Variants in GGA2 observed in about 807,000 individuals in gnomAD.
GGA2 encodes ADP-ribosylation factor-binding protein GGA2.
GGA2 carries 48 observed loss-of-function variants against 79.5 expected under a neutral mutation model. The observed-to-expected ratio is 0.60, with a 90% CI of 0.48 to 0.77. The LOEUF (loss-of-function observed/expected upper bound fraction) is 0.77. Ranked by LOEUF, GGA2 falls within the 30% of genes least tolerant of loss-of-function variation. The pLI is 0.00. For synonymous variants in GGA2, 317 were observed against 302.0 expected (o/e 1.05, Z -0.51); for missense variants, 770 against 774.0 (o/e 0.99, Z 0.06).
chr16:23,474,866 G>GA (rs530417746), intron 14 of GGA2, 38 bp downstream of exon 14: 15,700 of 1,332,504 alleles, frequency 0.012, 28 homozygotes, highest in African/African-American at 0.051. Flanking sequence ...GATTCCCAGG[G>GA]AAAAAAAAAA....
chr16:23,486,132 C>A lies in GGA2; in HGVS notation c.681G>T (p.Lys227Asn), dbSNP rs1439355349. 1 of 1,613,986 alleles carries A rather than the reference C, an allele frequency of 6.2e-7. No homozygotes were observed. The highest frequency in any genetic ancestry group is 1.1e-5 in the South Asian group (1 of 91,076). Residue 227 changes from lysine to asparagine, a missense_variant, in exon 8 of 17, where the codon AAG becomes AAT. By Grantham distance (94) the Lys-to-Asn change is moderately conservative. Transcript: ENST00000309859. Reference protein sequence around the residue: ...LVKEEQEKSEKVSKRVSAVEE... With the variant: ...LVKEEQEKSENVSKRVSAVEE... ...CCACCGCACTGACCCTCTTGGACAC[C>A]TTCTCCGATTTTTCTTGTTCCTTTT...
chr16:23,479,774 C>T lies in GGA2; in HGVS notation c.1120G>A (p.Ala374Thr), dbSNP rs759614909. 1 of 1,613,996 alleles carries T rather than the reference C, an allele frequency of 6.2e-7. No homozygotes were observed. Among genetic ancestry groups the T allele is most frequent in the Non-Finnish European group, 8.5e-7 (1 of 1,179,958 alleles). ...VVPSLLHQDL[A>T]ALGISDAPVT... The stretch of plus-strand genomic sequence containing the variant: ...AAGCACCTGCCCTCACCCAAGGCTG[C>T]CAGGTCCTGATGAAGCAAAGATGGC... The change falls in exon 11 of 17, where the codon GCA becomes ACA. Residue 374 changes from alanine (A) to threonine (T), a missense_variant. Coordinates refer to ENST00000309859, the MANE Select transcript of GGA2 (RefSeq NM_015044.4).
At chr16:23,512,020 A>G (rs1965071341), upstream of GGA2, among the ~76,000 whole-genome samples, 1 of 152,250 alleles carries the variant, frequency 6.6e-6, no homozygotes, top group East Asian at 1.9e-4. Flanking sequence ...AAGAAAGGCT[A>G]GAACCTGGAA....
At chr16:23,510,514 C>G (rs1013728070), upstream of GGA2, 10 of 434,902 alleles carry the variant, frequency 2.3e-5, no homozygotes, top group Non-Finnish European at 3.8e-5. Context: ...GCGGTGGACA[C>G]GTGACGGGGC....
intron 1 of GGA2, among the ~76,000 whole-genome samples, chr16:23,502,394 G>C (rs1964930146): frequency 6.6e-6 from 1 of 152,192 alleles, no homozygotes; most frequent in Non-Finnish European, 1.5e-5. Flanking sequence ...TGTTAGGGGA[G>C]CTACCGAAGT....
At chr16:23,524,087 G>A, upstream of GGA2, 3 of 460,352 alleles carry the variant, frequency 6.5e-6, no homozygotes, top group South Asian at 5.6e-5. Context: ...TAACTTTTCT[G>A]TGAACTAACT....
chr16:23,467,609 G>A lies in GGA2; in HGVS notation c.1823C>T (p.Ala608Val). The change falls in exon 17 of 17, where the codon GCT (alanine) becomes GTT (valine). Residue 608 changes from alanine to valine, a missense_variant. Ala to Val is a moderately conservative substitution (Grantham distance 64). Transcript: ENST00000309859. ...VGEVKDFPDL[A>V]VLGAA ...GAAAAGTTAGGCTGCGCCCAAGACA[G>A]CCAGGTCTGGGAAGTCTTTCACTTC... The A allele has an allele frequency of 6.3e-7, 1 of 1,582,706 alleles. No homozygotes were observed. The highest frequency in any genetic ancestry group is 2.2e-5 in the East Asian group (1 of 44,756).
At chr16:23,515,335 G>A (rs1965097086), upstream of GGA2, among the ~76,000 whole-genome samples, 2 of 151,394 alleles carry the variant, frequency 1.3e-5, no homozygotes, top group South Asian at 2.1e-4. Flanking sequence ...GGTGGCTCAC[G>A]CCTGTAATCC....
chr16:23,486,187 G>A, intron 7 of GGA2, 35 bp from the exon 8 acceptor site: 2 of 1,606,992 alleles, frequency 1.2e-6, no homozygotes, highest in Non-Finnish European at 1.7e-6. Flanking sequence ...GAGTGAGGGA[G>A]CAGAAACCCT....
Position 23,479,886 on chromosome 16 carries a change from G to A in GGA2, c.1008C>T (p.Val336=), listed in dbSNP as rs1162840526. The change falls in exon 11 of 17, where the codon GTC becomes GTT. Residue 336 remains valine, a splice_region_variant and synonymous_variant. Coordinates refer to ENST00000309859, the MANE Select transcript of GGA2 (RefSeq NM_015044.4). ...SSLGDIPVSR[V]FQNPAGCMKT... is the part of the protein sequence containing the mutation. Reference sequence around the variant, plus strand: ...TCATGCAGCCTGCTGGATTCTGAAAGACTAGAAAGCCCAGGGTTAGGAAGA... The same window carrying A: ...TCATGCAGCCTGCTGGATTCTGAAAAACTAGAAAGCCCAGGGTTAGGAAGA... The A allele has an allele frequency of 2.1e-5, 34 of 1,613,898 alleles. No homozygotes were observed. The highest frequency in any genetic ancestry group is 2.8e-5 in the Non-Finnish European group (33 of 1,179,938).
intron 4 of GGA2, among the ~76,000 whole-genome samples, chr16:23,492,736 C>G (rs1018578323): frequency 2.0e-5 from 3 of 152,164 alleles, no homozygotes; most frequent in Non-Finnish European, 4.4e-5. Flanking sequence ...CGGTGGGGGT[C>G]ATAGGAACCC....
rs1964847054 is a variant in GGA2, at chr16:23,495,760, C to T, written c.110G>A (p.Ser37Asn). ...AGCTGACCAATCCTGTTCCGACATGCTTGGGTCTGTGGCTTTGTCTGTCAA... is the reference window on the plus strand; with the variant it reads ...AGCTGACCAATCCTGTTCCGACATGTTTGGGTCTGTGGCTTTGTCTGTCAA... ...ELWLNKATDP[S>N]MSEQDWSAIQ... The change falls in exon 2 of 17, where the codon AGC (serine) becomes AAC (asparagine). Residue 37 changes from serine to asparagine, a missense_variant. Transcript: ENST00000309859. 6.2e-7 allele frequency: 1 copy of T among 1,611,576 alleles called. No individual in the cohort carries two copies. Among genetic ancestry groups the T allele is most frequent in the South Asian group, 1.1e-5 (1 of 90,962 alleles).
rs1005345611 is a variant in GGA2 at position 23,469,919 on chromosome 16, G to A, written c.1620+77C>T. 39 of 1,076,978 alleles carry A rather than the reference G, an allele frequency of 3.6e-5. No individual in the cohort carries two copies. The Admixed American group carries it at 8.2e-4, about 23-fold the overall frequency. The allele number at this position is 1,076,978 out of a possible 1,614,324, so 66.7% of individuals were successfully genotyped here. A position where few individuals can be genotyped will look rare whatever the true frequency, so the allele number is the denominator to read the frequency against. On this transcript the variant is annotated intron_variant, in intron 15 of 16. Transcript: ENST00000309859. ...AGTGAAGATTCTTTCCTTGACACTCGACAGGTAAGTCCCAGAAAAGAACCT... is the reference window on the plus strand; with the variant it reads ...AGTGAAGATTCTTTCCTTGACACTCAACAGGTAAGTCCCAGAAAAGAACCT...
chr16:23,514,877 T>C (rs749540644), upstream of GGA2, among the ~76,000 whole-genome samples: 2 of 151,890 alleles, frequency 1.3e-5, no homozygotes, highest in African/African-American at 4.8e-5. Flanking sequence ...TTGTTGCAAA[T>C]TGCAGGGCCC....
At chr16:23,513,756 G>A (rs944840899), upstream of GGA2, among the ~76,000 whole-genome samples, 3 of 140,038 alleles carry the variant, frequency 2.1e-5, no homozygotes, top group South Asian at 6.7e-4. Flanking sequence ...CTGCACTCCA[G>A]CCTGGGCACG....
intron 1 of GGA2, among the ~76,000 whole-genome samples, chr16:23,497,894 G>A (rs1166976836): frequency 6.6e-6 from 1 of 152,180 alleles, no homozygotes; most frequent in Non-Finnish European, 1.5e-5. Context: ...AGCACTCTGG[G>A]AAGCCAAGGC....
At position 23,468,942 on chromosome 16, in the gene GGA2, G is replaced by T. The variant is rs774242311; in HGVS notation, c.1675C>A (p.Pro559Thr). 3 of 1,612,490 alleles carry T rather than the reference G, an allele frequency of 1.9e-6. No individual in the cohort carries two copies. The South Asian group carries it at 3.3e-5, about 18-fold the overall frequency. ...ASSSKLPAFS[P>T]LMPPAVISQM... ...GATATCACAGCTGGAGGCATCAAAG[G>T]ACTGAATGCAGGAAGCTTGGAGCTG... The change falls in exon 16 of 17, where the codon CCT becomes ACT. Residue 559 changes from proline (P) to threonine (T), a missense_variant. Coordinates refer to ENST00000309859, the MANE Select transcript of GGA2 (RefSeq NM_015044.4).
At chr16:23,503,874 G>T (rs1413019215) in intron 1 of GGA2, among the ~76,000 whole-genome samples, 1 of 152,174 alleles carries the variant, frequency 6.6e-6, no homozygotes, top group Non-Finnish European at 1.5e-5. Flanking sequence ...CTGAGGTTGG[G>T]AGTTCAAGAC....
chr16:23,518,371 G>T (rs1455474564), intron 2 of GGA2, among the ~76,000 whole-genome samples: 2 of 152,044 alleles, frequency 1.3e-5, no homozygotes, highest in African/African-American at 4.8e-5. Flanking sequence ...ACAATGCTCA[G>T]CTAATTTCTG....
Sources: allele counts gnomAD v4.1 joint callset (sites outside exome capture counted in the v4.1 genomes callset), GRCh38; gene constraint gnomAD v4.1.1; transcripts MANE v1.5; gene names NCBI Gene and HGNC (gene_info 2026-07-23, HGNC 2026-07-21).